ANKRD30A: variants seen among roughly 807,000 people sequenced by gnomAD.
ANKRD30A encodes ankyrin repeat domain-containing protein 30A.
Under a neutral mutation model 166.3 loss-of-function variants are expected in ANKRD30A, and 170 were observed. The ratio of observed to expected loss-of-function variants is 1.02; its 90% CI spans 0.90 to 1.16. The LOEUF is 1.16. Among genes scored for constraint, ANKRD30A ranks in the 50% most tolerant of loss-of-function variants. ANKRD30A has a pLI of 0.00. For synonymous variants in ANKRD30A, 564 were observed against 508.9 expected (o/e 1.11, Z -1.46); for missense variants, 1,630 against 1,518.0 (o/e 1.07, Z -1.23).
intron 13 of ANKRD30A, among the ~76,000 whole-genome samples, chr10:37,154,505 G>A (rs1838215095): frequency 6.6e-6 from 1 of 152,114 alleles, no homozygotes; most frequent in African/African-American, 2.4e-5. Flanking sequence ...GAGCAGTATG[G>A]TGTTCTCAAT....
chr10:37,246,309 T>C, the ANKRD30A span, among the ~76,000 whole-genome samples: 1 of 152,234 alleles, frequency 6.6e-6, no homozygotes, highest in South Asian at 2.1e-4. Context: ...TTGCATTACA[T>C]TATTTACTCT....
intron 24 of ANKRD30A, among the ~76,000 whole-genome samples, chr10:37,183,845 A>G (rs1393614476): frequency 6.7e-6 from 1 of 148,492 alleles, no homozygotes; most frequent in African/African-American, 2.5e-5. Context: ...AGATAGTTAC[A>G]CTTATTTATT....
intron 31 of ANKRD30A, among the ~76,000 whole-genome samples, chr10:37,214,869 C>G (rs1842524352): frequency 6.6e-6 from 1 of 151,222 alleles, no homozygotes; most frequent in Non-Finnish European, 1.5e-5. Context: ...GCCAATTTTT[C>G]CTCAAATGTT....
At chr10:37,197,523 A>G (rs1841235748) in intron 29 of ANKRD30A, 43 bp downstream of exon 29, 2 of 1,610,666 alleles carry the variant, frequency 1.2e-6, no homozygotes, top group Non-Finnish European at 1.7e-6. Context: ...ATATTTCAAT[A>G]TTGAACATTT....
chr10:37,207,311 TAA>T (rs939992137), intron 31 of ANKRD30A, among the ~76,000 whole-genome samples: 2 of 152,170 alleles, frequency 1.3e-5, no homozygotes, highest in African/African-American at 4.8e-5. Flanking sequence ...TTTACTGATA[TAA>T]GTGATTCTGA....
chr10:37,225,753 A>T (rs1179192111), intron 34 of ANKRD30A, among the ~76,000 whole-genome samples: 1 of 151,832 alleles, frequency 6.6e-6, no homozygotes, highest in African/African-American at 2.4e-5. Flanking sequence ...GCAGTACGCC[A>T]TCCTATGATG....
intron 19 of ANKRD30A, among the ~76,000 whole-genome samples, chr10:37,167,559 A>T (rs1839455791): frequency 6.6e-6 from 1 of 151,804 alleles, no homozygotes; most frequent in African/African-American, 2.4e-5. Flanking sequence ...AAATGTTATT[A>T]ATATTTAAAA....
chr10:37,193,677 A>G (rs1311650969), intron 27 of ANKRD30A, among the ~76,000 whole-genome samples: 1 of 152,006 alleles, frequency 6.6e-6, no homozygotes, highest in Non-Finnish European at 1.5e-5. Context: ...TCTTAAGAAA[A>G]TCAGTTTTTT....
chr10:37,135,214 T>C (rs1836608134), intron 5 of ANKRD30A: 1 of 152,136 alleles, frequency 6.6e-6, no homozygotes, highest in Non-Finnish European at 1.5e-5. Flanking sequence ...TTGATCAGTC[T>C]TCAGGTATAA....
At position 37,141,740 on chromosome 10, in the gene ANKRD30A, T is replaced by C. The variant is rs1462191108; in HGVS notation, c.843T>C (p.Pro281=). The C allele has an allele frequency of 6.2e-7, 1 of 1,611,898 alleles. No individual in the cohort carries two copies. Among genetic ancestry groups the C allele is most frequent in the Non-Finnish European group, 8.5e-7 (1 of 1,179,800 alleles). ...TNPEGTSAGT[P]DEAAPLAERT... is the part of the protein sequence containing the mutation. ...CAGAAGGAACATCTGCAGGAACACC[T>C]GATGAGGCTGCACCCTTGGCGGAAA... Residue 281 remains proline, a synonymous_variant, in exon 7 of 36, where the codon CCT becomes CCC. Coordinates refer to ENST00000361713, the MANE Select transcript of ANKRD30A (RefSeq NM_052997.3).
At chr10:37,248,750 A>G in the ANKRD30A span, among the ~76,000 whole-genome samples, 4 of 151,612 alleles carry the variant, frequency 2.6e-5, no homozygotes, top group African/African-American at 4.9e-5. Context: ...CACAAAAGAT[A>G]TAGGTAATTC....
chr10:37,126,007 A>T lies in ANKRD30A; in HGVS notation c.220A>T (p.Arg74Trp), dbSNP rs1212665598. 1.3e-6 allele frequency: 2 copies of T among 1,580,508 alleles called. No individual in the cohort carries two copies. Among genetic ancestry groups the T allele is most frequent in the East Asian group, 4.7e-5 (2 of 42,584 alleles). Residue 74 changes from arginine to tryptophan, a missense_variant and splice_region_variant, in exon 1 of 36, where the codon AGG (arginine) becomes TGG (tryptophan). This residue lies in a region of ANKRD30A where 904 missense variants were observed against 818.5 expected (regional missense o/e 1.10). Coordinates refer to ENST00000361713, the MANE Select transcript of ANKRD30A (RefSeq NM_052997.3). ...CCTTAATATACAAGACGCCCAGAAG[A>T]GGTACCAGGCCCTGCCTGAGCCGGG... ...INLNIQDAQK[R>W]TALHWACVNG...
At chr10:37,132,598 G>T (rs1299604829) in intron 4 of ANKRD30A, among the ~76,000 whole-genome samples, 1 of 152,036 alleles carries the variant, frequency 6.6e-6, no homozygotes, top group Non-Finnish European at 1.5e-5. Context: ...CTTCTAAAGT[G>T]GTTCTGTATT....
intron 13 of ANKRD30A, among the ~76,000 whole-genome samples, chr10:37,155,288 C>G (rs17590561): frequency 3.3e-5 from 5 of 151,996 alleles, no homozygotes; most frequent in Non-Finnish European, 7.4e-5. Context: ...ATGAGTGGAT[C>G]AAGAAATATT....
At chr10:37,145,197 C>G (rs1208811237) in intron 8 of ANKRD30A, 141 bp downstream of exon 8, 3 of 543,772 alleles carry the variant, frequency 5.5e-6, no homozygotes, top group Admixed American at 4.4e-5. Context: ...ACATACTTGG[C>G]TGGGCACGGT....
intron 18 of ANKRD30A, among the ~76,000 whole-genome samples, chr10:37,166,092 A>G (rs1299383021): frequency 6.6e-6 from 1 of 152,130 alleles, no homozygotes; most frequent in African/African-American, 2.4e-5. Flanking sequence ...TACCGAAAGA[A>G]AGCAGCTTTT....
intron 11 of ANKRD30A, among the ~76,000 whole-genome samples, chr10:37,150,240 T>A (rs1397906259): frequency 6.6e-6 from 1 of 152,076 alleles, no homozygotes; most frequent in Non-Finnish European, 1.5e-5. Flanking sequence ...TGTGTTTTAA[T>A]ATTAATTACC....
At position 37,158,245 on chromosome 10, in the gene ANKRD30A, A is replaced by G. The variant is rs578138826; in HGVS notation, c.1799-147A>G. ...CTGTCACGTTGGCATGATAACAAAT[A>G]CAATAACCCAAAAGACCCCAAAACA... On this transcript the variant is annotated intron_variant, in intron 13 of 35. Coordinates refer to ENST00000361713, the MANE Select transcript of ANKRD30A (RefSeq NM_052997.3). 3.9e-4 allele frequency: 534 copies of G among 1,369,730 alleles called. 2 individuals carry two copies. In the African/African-American group the frequency reaches 5.6e-3, roughly 14 times the overall value. The allele number at this position is 1,369,730 out of a possible 1,614,324, so 84.8% of individuals were successfully genotyped here.
chr10:37,222,827 A>G (rs1342912548), intron 34 of ANKRD30A, among the ~76,000 whole-genome samples: 2 of 151,332 alleles, frequency 1.3e-5, no homozygotes, highest in Non-Finnish European at 3.0e-5. Flanking sequence ...TTAACTTTCA[A>G]TTGTACATTG....
Sources: gnomAD v4.1 joint callset for allele counts (sites outside exome capture counted in the v4.1 genomes callset) on GRCh38, gnomAD v4.1.1 for gene constraint, gnomAD v4.1.1 regional missense constraint, MANE v1.5 for transcripts, NCBI Gene and HGNC (gene_info 2026-07-23, HGNC 2026-07-21) for gene names.